Variants in DNMBP observed in about 807,000 individuals in gnomAD.
DNMBP encodes the protein dynamin-binding protein.
DNMBP carries 87 observed loss-of-function variants against 150.0 expected under a neutral mutation model. The observed-to-expected ratio is 0.58, with a 90% CI of 0.49 to 0.69. The LOEUF (loss-of-function observed/expected upper bound fraction) is 0.69. Ranked by LOEUF, DNMBP falls within the 30% of genes least tolerant of loss-of-function variation. DNMBP has a pLI of 0.00. For missense variants in DNMBP, 1,774 were observed against 1,949.0 expected (o/e 0.91, Z 1.69); for synonymous variants, 711 against 750.4 (o/e 0.95, Z 0.86).
At chr10:99,925,642 T>C (rs2040070961) in intron 4 of DNMBP, among the ~76,000 whole-genome samples, 1 of 152,144 alleles carries the variant, frequency 6.6e-6, no homozygotes, top group South Asian at 2.1e-4. Flanking sequence ...CTCAAACTCC[T>C]GACCTCAAGT....
intron 1 of DNMBP, among the ~76,000 whole-genome samples, chr10:99,983,360 C>T (rs1312067393): frequency 2.6e-5 from 4 of 152,148 alleles, no homozygotes; most frequent in African/African-American, 9.7e-5. Context: ...TTTTTCCCTT[C>T]GCATGAAAGG....
chr10:99,959,141 C>T (rs1355697067), intron 3 of DNMBP, among the ~76,000 whole-genome samples: 1 of 152,098 alleles, frequency 6.6e-6, no homozygotes, highest in African/African-American at 2.4e-5. Context: ...AAAGCAATGT[C>T]ATTCCTCATT....
At chr10:99,884,350 G>T in intron 14 of DNMBP, 141 bp from the exon 15 acceptor site, 1 of 734,574 alleles carries the variant, frequency 1.4e-6, no homozygotes. Flanking sequence ...ATGTTTTTGT[G>T]ATGAAGCCAG....
chr10:99,900,666 T>C (rs544506371), intron 6 of DNMBP, among the ~76,000 whole-genome samples: 6 of 141,358 alleles, frequency 4.2e-5, no homozygotes, highest in Non-Finnish European at 9.3e-5. Context: ...ACGGAGTCTC[T>C]TGTCGCCCAG....
intron 1 of DNMBP, among the ~76,000 whole-genome samples, chr10:99,996,960 A>G (rs536294234): frequency 1.3e-5 from 2 of 152,346 alleles, no homozygotes; most frequent in East Asian, 3.9e-4. Context: ...CAACATCTAG[A>G]CACTGGTAGC....
At chr10:99,877,424 C>T (rs2039294139) in intron 16 of DNMBP, 88 bp from the exon 17 acceptor site, 1 of 992,182 alleles carries the variant, frequency 1.0e-6, no homozygotes, top group Non-Finnish European at 1.5e-6. Flanking sequence ...GTTCCACATC[C>T]ACATGCCCAC....
chr10:99,881,228 C>G (rs1336638691), intron 15 of DNMBP, among the ~76,000 whole-genome samples: 2 of 150,700 alleles, frequency 1.3e-5, no homozygotes, highest in Admixed American at 6.6e-5. Flanking sequence ...AACTCCGTCT[C>G]AAAAAAAAAG....
chr10:99,970,971 C>CAAAAAAAAAAAAAAAA lies in DNMBP; in HGVS notation c.145+993_145+1008dup, dbSNP rs532226561. ...TGGGCAACAGAGCAAGACTCCGTCT[C>CAAAAAAAAAAAAAAAA]AAAAAAAAAAAAAAAAAAAAAAAAA... On this transcript the variant is annotated intron_variant, in intron 2 of 16. Coordinates refer to ENST00000324109, the MANE Select transcript of DNMBP (RefSeq NM_015221.4). Among the ~76,000 whole-genome samples, 210 of 33,190 alleles carry CAAAAAAAAAAAAAAAA rather than the reference C, an allele frequency of 6.3e-3. 41 individuals carry two copies. The highest frequency in any genetic ancestry group is 0.062 in the Middle Eastern group (3 of 48). 21.8% of individuals were successfully genotyped at this position (33,190 alleles called of 152,430 possible). A position where few individuals can be genotyped will look rare whatever the true frequency, so the allele number is the denominator to read the frequency against.
chr10:99,920,969 C>A (rs1005727231), intron 4 of DNMBP, among the ~76,000 whole-genome samples: 1 of 152,142 alleles, frequency 6.6e-6, no homozygotes, highest in African/African-American at 2.4e-5. Context: ...TGTGAGCCAC[C>A]ATGCCCAGCC....
intron 1 of DNMBP, among the ~76,000 whole-genome samples, chr10:99,981,488 T>C (rs1342737635): frequency 2.0e-5 from 3 of 152,148 alleles, no homozygotes; most frequent in Non-Finnish European, 4.4e-5. Context: ...GGCCAGTAAT[T>C]TTTATTAAGC....
chr10:99,970,745 G>C (rs1032708043), intron 2 of DNMBP, among the ~76,000 whole-genome samples: 4 of 152,054 alleles, frequency 2.6e-5, no homozygotes, highest in Middle Eastern at 3.4e-3. Flanking sequence ...GGCCGAGGCA[G>C]GCGGATCATG....
At chr10:99,879,412 AGTGAGCTGAGAT>A (rs1409550237) in intron 16 of DNMBP, among the ~76,000 whole-genome samples, 2 of 152,320 alleles carry the variant, frequency 1.3e-5, no homozygotes, top group African/African-American at 4.8e-5. Context: ...TGGAGGTTGC[AGTGAGCTGAGAT>A]CATGCATTCC....
At chr10:99,885,311 C>T (rs544664227) in intron 14 of DNMBP, among the ~76,000 whole-genome samples, 2 of 152,126 alleles carry the variant, frequency 1.3e-5, no homozygotes, top group South Asian at 4.1e-4. Flanking sequence ...GAGATCGAGA[C>T]CACCCTGGCC....
intron 1 of DNMBP, among the ~76,000 whole-genome samples, chr10:99,999,088 C>T (rs938731954): frequency 1.2e-4 from 18 of 152,176 alleles, no homozygotes; most frequent in African/African-American, 3.9e-4. Context: ...GTTCCAGCTC[C>T]AGACAGAATC....
At chr10:99,919,390 C>T (rs958464934) in intron 4 of DNMBP, among the ~76,000 whole-genome samples, 6 of 152,196 alleles carry the variant, frequency 3.9e-5, no homozygotes, top group African/African-American at 9.7e-5. Flanking sequence ...ATTAATTAGG[C>T]GGTTTACTTT....
chr10:99,877,779 G>C (rs1192288495), intron 16 of DNMBP, among the ~76,000 whole-genome samples: 2 of 152,148 alleles, frequency 1.3e-5, no homozygotes, highest in Non-Finnish European at 2.9e-5. Flanking sequence ...CAGGAGAATT[G>C]CTCCAACCCA....
chr10:99,926,461 G>C (rs2040079633), intron 4 of DNMBP, among the ~76,000 whole-genome samples: 1 of 152,060 alleles, frequency 6.6e-6, no homozygotes, highest in African/African-American at 2.4e-5. Flanking sequence ...GCAATCAAAA[G>C]CAGGCAGAAT....
rs1346396206 is a variant in DNMBP at position 99,898,162 on chromosome 10, C to A, written c.2844G>T (p.Val948=). 3.1e-6 allele frequency: 5 copies of A among 1,613,988 alleles called. No homozygotes were observed. Among genetic ancestry groups the A allele is most frequent in the Non-Finnish European group, 4.2e-6 (5 of 1,180,022 alleles). The change falls in exon 9 of 17, where the codon GTG becomes GTT. Residue 948 remains valine (V), a synonymous_variant. Coordinates refer to ENST00000324109, the MANE Select transcript of DNMBP (RefSeq NM_015221.4). ...CCGCAAGGACTGCATTGGTTAAAGG[C>A]ACTTTATCTGGGTGGGATTCTGGGG... The part of the protein sequence containing the change: ...NSTPESHPDK[V]PLTNAVLAVK...
chr10:99,955,573 G>A lies in DNMBP; in HGVS notation c.1901C>T (p.Ala634Val), dbSNP rs752891917. The A allele has an allele frequency of 2.5e-6, 4 of 1,610,846 alleles. No individual in the cohort carries two copies. The highest frequency in any genetic ancestry group is 2.2e-5 in the East Asian group (1 of 44,824). Residue 634 changes from alanine to valine, a missense_variant, in exon 4 of 17, where the codon GCA (alanine) becomes GTA (valine). Coordinates refer to ENST00000324109, the MANE Select transcript of DNMBP (RefSeq NM_015221.4). Reference protein sequence around the residue: ...HLLVDQNLKPAPPLVVRPSRP... With the variant: ...HLLVDQNLKPVPPLVVRPSRP... The stretch of plus-strand genomic sequence containing the variant: ...AGAGGGTCGCACCACCAAGGGTGGT[G>A]CAGGTTTTAGGTTCTGGTCAACCAG...
Sources: gnomAD v4.1 joint callset for allele counts (sites outside exome capture counted in the v4.1 genomes callset) on GRCh38, gnomAD v4.1.1 for gene constraint, MANE v1.5 for transcripts, NCBI Gene and HGNC (gene_info 2026-07-23, HGNC 2026-07-21) for gene names.